Variants in VWA3B observed in about 807,000 individuals in gnomAD.
VWA3B encodes von Willebrand factor A domain-containing protein 3B.
Under a neutral mutation model 158.3 loss-of-function variants are expected in VWA3B, and 138 were observed. That is an observed-to-expected ratio of 0.87 (90% CI 0.76 to 1.00). The LOEUF is 1.00. Ranked by LOEUF, VWA3B falls within the 50% of genes least tolerant of loss-of-function variation. The pLI is 0.00. For synonymous variants in VWA3B, 596 were observed against 587.3 expected, an observed-to-expected ratio of 1.01 and a Z score of -0.21; for missense variants, 1,555 against 1,565.1, an observed-to-expected ratio of 0.99 and a Z score of 0.11.
chr2:98,226,071 T>C (rs1168987796), intron 14 of VWA3B, among the ~76,000 whole-genome samples: 3 of 152,224 alleles, frequency 2.0e-5, no homozygotes. Flanking sequence ...TTTACAGACA[T>C]AGTTAAGCCT....
intron 2 of VWA3B, among the ~76,000 whole-genome samples, chr2:98,093,639 C>A (rs1336037580): frequency 6.6e-6 from 1 of 152,112 alleles, no homozygotes; most frequent in Non-Finnish European, 1.5e-5. Flanking sequence ...CTCATATAGT[C>A]ATTTTTTGTG....
downstream of VWA3B, among the ~76,000 whole-genome samples, chr2:98,315,464 G>A (rs1394737397): frequency 1.3e-5 from 2 of 152,180 alleles, no homozygotes; most frequent in Non-Finnish European, 2.9e-5. Context: ...TATGTGGAAT[G>A]GGTACAAGGT....
chr2:98,225,060 A>G (rs1684810877), intron 14 of VWA3B, among the ~76,000 whole-genome samples: 2 of 152,152 alleles, frequency 1.3e-5, no homozygotes, highest in African/African-American at 4.8e-5. Context: ...CAGCCTCCCA[A>G]GTAGCTGGGA....
chr2:98,285,990 C>T (rs905730310), intron 22 of VWA3B, among the ~76,000 whole-genome samples: 1 of 151,926 alleles, frequency 6.6e-6, no homozygotes, highest in Non-Finnish European at 1.5e-5. Context: ...AAGTCTTCCA[C>T]TTATTTTGAT....
In VWA3B at chr2:98,249,916, G is replaced by A. The variant is rs572279909; in HGVS notation, c.2674-402G>A. 2.0e-5 allele frequency among the ~76,000 whole-genome samples: 3 copies of A among 152,086 alleles called. No homozygotes were observed. The East Asian group carries it at 5.8e-4, about 29-fold the overall frequency. ...AATGTAAAATAAATATATGAAAAAG[G>A]TGTTTAACTCAAATAGCAATTTACA... On this transcript the variant is annotated intron_variant, in intron 19 of 27. Coordinates refer to ENST00000477737, the MANE Select transcript of VWA3B (RefSeq NM_144992.5).
chr2:98,221,270 C>A (rs1366056913), intron 14 of VWA3B, among the ~76,000 whole-genome samples: 1 of 152,170 alleles, frequency 6.6e-6, no homozygotes, highest in African/African-American at 2.4e-5. Flanking sequence ...GGATCTCCAA[C>A]AAGCACTGAC....
intron 2 of VWA3B, among the ~76,000 whole-genome samples, chr2:98,099,920 C>T (rs1173148166): frequency 6.6e-6 from 1 of 152,034 alleles, no homozygotes; most frequent in African/African-American, 2.4e-5. Context: ...ATTATCATGC[C>T]AATCTCTCTG....
chr2:98,129,910 C>T (rs1160886206), intron 6 of VWA3B, among the ~76,000 whole-genome samples: 2 of 152,192 alleles, frequency 1.3e-5, no homozygotes, highest in African/African-American at 4.8e-5. Flanking sequence ...TGCCCCTCCA[C>T]ACCTGTGAGT....
At chr2:98,329,568 G>A in the VWA3B span, among the ~76,000 whole-genome samples, 5 of 151,976 alleles carry the variant, frequency 3.3e-5, no homozygotes, top group Admixed American at 6.6e-5. Context: ...TACATGAAGA[G>A]TAGATCTCCA....
At chr2:98,214,261 A>G (rs971498043) in intron 13 of VWA3B, among the ~76,000 whole-genome samples, 4 of 151,988 alleles carry the variant, frequency 2.6e-5, no homozygotes, top group Admixed American at 1.3e-4. Context: ...TGAATCACTC[A>G]TAATTGAATT....
chr2:98,177,859 C>G (rs549570360), intron 8 of VWA3B, among the ~76,000 whole-genome samples: 1 of 152,082 alleles, frequency 6.6e-6, no homozygotes, highest in East Asian at 1.9e-4. Context: ...TGATAGAGGG[C>G]TCTTAACTTT....
intron 14 of VWA3B, among the ~76,000 whole-genome samples, chr2:98,222,274 T>C (rs985643293): frequency 6.6e-6 from 1 of 152,346 alleles, no homozygotes; most frequent in East Asian, 1.9e-4. Context: ...CCCACCACTC[T>C]GACAGCTCAC....
intron 21 of VWA3B, among the ~76,000 whole-genome samples, chr2:98,263,967 G>A (rs1687638307): frequency 6.6e-6 from 1 of 151,784 alleles, no homozygotes; most frequent in Non-Finnish European, 1.5e-5. Context: ...AGTCTTAGTA[G>A]GCGGTATGTT....
At chr2:98,184,913 G>A (rs1045149931) in intron 9 of VWA3B, among the ~76,000 whole-genome samples, 5 of 152,110 alleles carry the variant, frequency 3.3e-5, no homozygotes, top group African/African-American at 7.2e-5. Context: ...GCTCACCCTC[G>A]TCAGTCCTCG....
At chr2:98,092,816 GTATATATATATATATATATATA>G (rs70940110) in intron 1 of VWA3B, among the ~76,000 whole-genome samples, 109 of 51,498 alleles carry the variant, frequency 2.1e-3, no homozygotes, top group Middle Eastern at 0.014. Flanking sequence ...AGATGTTTTT[GTATATATATATATATATATATA>G]TATATATATA....
chr2:98,309,228 A>T (rs76055939), intron 26 of VWA3B, among the ~76,000 whole-genome samples: 1,742 of 152,180 alleles, frequency 0.011, 33 homozygotes, highest in African/African-American at 0.039. Flanking sequence ...ATTTATTTTT[A>T]AAAAAATAAT....
In VWA3B at chr2:98,093,149, G is replaced by C. The variant is rs762331418; in HGVS notation, c.57G>C (p.Glu19Asp). The C allele has an allele frequency of 1.2e-6, 2 of 1,614,082 alleles. No individual in the cohort carries two copies. The highest frequency in any genetic ancestry group is 1.1e-5 in the South Asian group (1 of 91,078). ...CTGAGCAGCAGCTGCAGAGGCAAGA[G>C]GGATGGATTAACACCAAAACAGACT... ...TISEQQLQRQ[E>D]GWINTKTDLA... Residue 19 changes from glutamate (E) to aspartate (D), a missense_variant, in exon 2 of 28, where the codon GAG becomes GAC. Glu to Asp is a conservative substitution (Grantham distance 45, BLOSUM62 2). Transcript: ENST00000477737.
At chr2:98,251,465 G>C (rs989990556) in intron 20 of VWA3B, among the ~76,000 whole-genome samples, 5 of 152,096 alleles carry the variant, frequency 3.3e-5, no homozygotes, top group Admixed American at 1.3e-4. Flanking sequence ...CTCACAGGCT[G>C]GTCCTTGTCC....
chr2:98,218,090 C>A, intron 14 of VWA3B, 62 bp downstream of exon 14: 1 of 1,503,116 alleles, frequency 6.7e-7, no homozygotes, highest in South Asian at 1.3e-5. Flanking sequence ...GGCTGGCGGT[C>A]CCTGGGTAAT....
Sources: allele counts gnomAD v4.1 joint callset (sites outside exome capture counted in the v4.1 genomes callset), GRCh38; gene constraint gnomAD v4.1.1; transcripts MANE v1.5; gene names NCBI Gene and HGNC (gene_info 2026-07-23, HGNC 2026-07-21).